The following SRSF1 variants were observed in gnomAD, a reference collection of about 807,000 sequenced individuals.
The protein encoded by SRSF1 is serine/arginine-rich splicing factor 1.
SRSF1 carries 1 observed loss-of-function variant against 25.9 expected under a neutral mutation model. The observed-to-expected ratio is 0.04, with a 90% confidence interval of 0.01 to 0.18. The LOEUF is 0.18. Ranked by LOEUF, SRSF1 falls within the 10% of genes least tolerant of loss-of-function variation. The probability of loss-of-function intolerance (pLI) is 1.00; values close to 1 mark genes in which losing one functional copy is unlikely to be tolerated. For synonymous variants in SRSF1, 132 were observed against 126.2 expected, an observed-to-expected ratio of 1.05 and a Z score of -0.31; for missense variants, 65 against 350.5, an observed-to-expected ratio of 0.19 and a Z score of 6.50.
At chr17:57,999,770 T>C (rs2075379036), downstream of SRSF1, among the ~76,000 whole-genome samples, 1 of 152,156 alleles carries the variant, frequency 6.6e-6, no homozygotes, top group African/African-American at 2.4e-5. Flanking sequence ...ACAAAAAAAA[T>C]TAAGACCTAT....
chr17:57,996,483 T>TAA (rs10677825), downstream of SRSF1, among the ~76,000 whole-genome samples: 9 of 72,376 alleles, frequency 1.2e-4, 1 homozygote, highest in East Asian at 4.4e-4. Context: ...GACACTGTCT[T>TAA]AAAAAAAAAA....
chr17:58,007,211 G>A lies in SRSF1; in HGVS notation c.-74C>T, dbSNP rs1014718940. 1.3e-6 allele frequency: 2 copies of A among 1,556,324 alleles called. No individual in the cohort carries two copies. The highest frequency in any genetic ancestry group is 1.1e-5 in the South Asian group (1 of 87,216). On this transcript the variant is annotated 5_prime_UTR_variant, in exon 1 of 4. Coordinates refer to ENST00000258962, the MANE Select transcript of SRSF1 (RefSeq NM_006924.5). ...TAGCGCACGGCAGAGCGAGCCCGCAGCGGCACCACGTCTCCCGCGGCCCCT... is the reference window on the plus strand; with the variant it reads ...TAGCGCACGGCAGAGCGAGCCCGCAACGGCACCACGTCTCCCGCGGCCCCT...
At chr17:57,998,750 T>G (rs1168838987), downstream of SRSF1, among the ~76,000 whole-genome samples, 1 of 152,224 alleles carries the variant, frequency 6.6e-6, no homozygotes, top group Non-Finnish European at 1.5e-5. Flanking sequence ...CAGGGAAATC[T>G]CTACTGTGTA....
chr17:58,007,162 G>A lies in SRSF1; in HGVS notation c.-25C>T, dbSNP rs780643160. 18 of 1,612,508 alleles carry A rather than the reference G, an allele frequency of 1.1e-5. No individual in the cohort carries two copies. The highest frequency in any genetic ancestry group is 1.6e-4 in the Middle Eastern group (1 of 6,080). ...TGGCGGTGACGAAAAGCGCGGACTC[G>A]AGAACAGGCCTTCCCACCAAGCCTA... On this transcript the variant is annotated 5_prime_UTR_variant, in exon 1 of 4. Transcript: ENST00000258962.
the SRSF1 span, among the ~76,000 whole-genome samples, chr17:57,995,227 T>C: frequency 2.6e-5 from 4 of 152,262 alleles, no homozygotes; most frequent in African/African-American, 9.6e-5. Flanking sequence ...TTCATTTTTG[T>C]GGATCTGTTA....
chr17:58,006,285 G>C, intron 2 of SRSF1, 58 bp downstream of exon 2: 1 of 1,533,198 alleles, frequency 6.5e-7, no homozygotes, highest in Non-Finnish European at 8.8e-7. Flanking sequence ...TCACGCAAGA[G>C]AAAAATTTTA....
In SRSF1 at chr17:58,005,948, C is replaced by T. The variant is rs1283695008; in HGVS notation, c.405G>A (p.Gln135=). The part of the protein sequence containing the change: ...VSGLPPSGSW[Q]DLKDHMREAG... ...CTTCACGCATGTGATCCTTTAAATC[C>T]TGCCAACTTCCACTTGGAGGCAGTC... Residue 135 remains glutamine (Q), a synonymous_variant, in exon 3 of 4, where the codon CAG becomes CAA. Transcript: ENST00000258962. The surrounding 1 kb of genome is among the most constrained non-coding windows in gnomAD (Gnocchi z 5.2). The T allele has an allele frequency of 6.2e-7, 1 of 1,612,916 alleles. No individual in the cohort carries two copies. Among genetic ancestry groups the T allele is most frequent in the East Asian group, 2.2e-5 (1 of 44,876 alleles).
In SRSF1 at chr17:58,007,204, G is replaced by A; in HGVS notation, c.-67C>T. The stretch of plus-strand genomic sequence containing the variant: ...CCAAGCCTAGCGCACGGCAGAGCGA[G>A]CCCGCAGCGGCACCACGTCTCCCGC... On this transcript the variant is annotated 5_prime_UTR_variant, in exon 1 of 4. Transcript: ENST00000258962. 24 of 1,573,556 alleles carry A rather than the reference G, an allele frequency of 1.5e-5. No individual in the cohort carries two copies. Among genetic ancestry groups the A allele is most frequent in the Admixed American group, 3.4e-5 (2 of 58,088 alleles).
chr17:57,999,878 A>G (rs183911348), downstream of SRSF1, among the ~76,000 whole-genome samples: 305 of 152,268 alleles, frequency 2.0e-3, 1 homozygote, highest in African/African-American at 6.8e-3. Context: ...AGTTCTACCA[A>G]TAGTTGGCAC....
downstream of SRSF1, among the ~76,000 whole-genome samples, chr17:57,999,162 A>C (rs558294111): frequency 6.6e-6 from 1 of 152,346 alleles, no homozygotes; most frequent in South Asian, 2.1e-4. Flanking sequence ...CTGACACATA[A>C]GTAGGATTTT....
At chr17:57,999,129 CTAGAAAA>C (rs1404176114), downstream of SRSF1, among the ~76,000 whole-genome samples, 3 of 152,204 alleles carry the variant, frequency 2.0e-5, no homozygotes, top group Non-Finnish European at 2.9e-5. Flanking sequence ...TAAGTGAGGC[CTAGAAAA>C]TAGAAAACAG....
rs1377529209 is a variant in SRSF1 at position 58,007,174 on chromosome 17, T to G, written c.-37A>C. ...AAAGCGCGGACTCGAGAACAGGCCT[T>G]CCCACCAAGCCTAGCGCACGGCAGA... On this transcript the variant is annotated 5_prime_UTR_variant, in exon 1 of 4. Transcript: ENST00000258962. 5.6e-6 allele frequency: 9 copies of G among 1,609,992 alleles called. No individual in the cohort carries two copies. The highest frequency in any genetic ancestry group is 7.6e-6 in the Non-Finnish European group (9 of 1,178,152).
chr17:57,996,488 A>AAAAAAC (rs1567745638), downstream of SRSF1, among the ~76,000 whole-genome samples: 2 of 150,462 alleles, frequency 1.3e-5, no homozygotes, highest in Non-Finnish European at 3.0e-5. Context: ...TGTCTTAAAA[A>AAAAAAC]AAAAAAAAAA....
downstream of SRSF1, among the ~76,000 whole-genome samples, chr17:57,997,114 G>A (rs1261298824): frequency 6.6e-6 from 1 of 152,172 alleles, no homozygotes; most frequent in African/African-American, 2.4e-5. Flanking sequence ...TGGAGACAAT[G>A]TCATCAATTC....
chr17:57,991,445 G>A, the SRSF1 span: 2 of 152,198 alleles, frequency 1.3e-5, no homozygotes, highest in Non-Finnish European at 2.9e-5. Flanking sequence ...TATCTAGTTA[G>A]AAGCTTCAAA....
the SRSF1 span, chr17:57,989,347 G>A: frequency 2.5e-6 from 1 of 398,376 alleles, no homozygotes; most frequent in African/African-American, 2.1e-5. Context: ...GAAATGAGGG[G>A]GCAGGCTGTA....
chr17:57,999,061 T>C (rs1052048929), downstream of SRSF1, among the ~76,000 whole-genome samples: 8 of 152,214 alleles, frequency 5.3e-5, no homozygotes, highest in African/African-American at 1.9e-4. Flanking sequence ...TTTCAGCTGT[T>C]AATATGGCAT....
At chr17:57,999,158 CA>C (rs1397586848), downstream of SRSF1, among the ~76,000 whole-genome samples, 1 of 152,190 alleles carries the variant, frequency 6.6e-6, no homozygotes, top group East Asian at 1.9e-4. Context: ...TAAGCTGACA[CA>C]TAAGTAGGAT....
At chr17:57,997,464 T>C (rs1361885124), downstream of SRSF1, among the ~76,000 whole-genome samples, 1 of 152,172 alleles carries the variant, frequency 6.6e-6, no homozygotes, top group Non-Finnish European at 1.5e-5. Flanking sequence ...GAAATATAAA[T>C]ATATTCAGTT....
Sources: allele counts gnomAD v4.1 joint callset (sites outside exome capture counted in the v4.1 genomes callset), GRCh38; gene constraint gnomAD v4.1.1; non-coding constraint Gnocchi (gnomAD v3.1); transcripts MANE v1.5; gene names NCBI Gene and HGNC (gene_info 2026-07-23, HGNC 2026-07-21).